Variants in CAST observed in about 807,000 individuals in gnomAD.
The protein encoded by CAST is calpastatin.
In CAST, 76 loss-of-function variants were observed where a neutral mutation model predicts 119.6. The ratio of observed to expected loss-of-function variants is 0.64; its 90% CI spans 0.53 to 0.77. The LOEUF is 0.77. CAST is among the 30% of genes least tolerant of loss of function. The pLI is 0.00. For missense variants in CAST, 953 were observed against 946.5 expected (o/e 1.01, Z -0.09); for synonymous variants, 319 against 331.6 (o/e 0.96, Z 0.41).
rs12517900 is a variant in CAST at position 96,768,095 on chromosome 5, C to G, written c.2268+96C>G. ...TTTATTGATTGATCTATCTATCGGT[C>G]TGTCTTGTAACAGGGTCTTACTCTA... On this transcript the variant is annotated intron_variant, in intron 29 of 31. Transcript: ENST00000675179. The G allele has an allele frequency of 0.083, 69,884 of 844,356 alleles. 3,490 individuals are homozygous for G. Among genetic ancestry groups the G allele is most frequent in the African/African-American group, 0.15 (9,047 of 59,052 alleles). The allele number at this position is 844,356 out of a possible 1,614,324, so 52.3% of individuals were successfully genotyped here.
intron 2 of CAST, among the ~76,000 whole-genome samples, chr5:96,684,528 C>G (rs1395483406): frequency 6.6e-6 from 1 of 151,726 alleles, no homozygotes; most frequent in East Asian, 1.9e-4. Context: ...CAGAAACATA[C>G]GCCAATAGCT....
At chr5:96,328,201 C>T in the CAST span, among the ~76,000 whole-genome samples, 1 of 152,192 alleles carries the variant, frequency 6.6e-6, no homozygotes, top group Non-Finnish European at 1.5e-5. Context: ...GTTAAAAACT[C>T]ATGGCATCTG....
intron 31 of CAST, 95 bp downstream of exon 31, chr5:96,771,797 T>C (rs1367426803): frequency 6.9e-6 from 5 of 721,898 alleles, no homozygotes; most frequent in African/African-American, 1.8e-5. Flanking sequence ...TCTTGAGTAA[T>C]TCATGCTCAC....
At chr5:96,399,928 G>A in the CAST span, 1 of 1,548,546 alleles carries the variant, frequency 6.5e-7, no homozygotes. Context: ...GCACACATGT[G>A]TTTAAAATTC....
At chr5:96,468,910 A>C in the CAST span, among the ~76,000 whole-genome samples, 1 of 152,208 alleles carries the variant, frequency 6.6e-6, no homozygotes, top group East Asian at 1.9e-4. Flanking sequence ...ATCTCGTCTA[A>C]AATAGTTGCC....
chr5:96,379,232 T>C, the CAST span, among the ~76,000 whole-genome samples: 1 of 152,130 alleles, frequency 6.6e-6, no homozygotes, highest in Non-Finnish European at 1.5e-5. Context: ...GTGAGAAAAA[T>C]GTTACAAATA....
At chr5:96,115,740 G>A in the CAST span, among the ~76,000 whole-genome samples, 100,379 of 151,924 alleles carry the variant, frequency 0.66, 33,651 homozygotes, top group African/African-American at 0.75. Context: ...CAGTTTTCTG[G>A]TGTGTCTTAT....
the CAST span, among the ~76,000 whole-genome samples, chr5:96,190,686 C>A: frequency 6.6e-6 from 1 of 152,160 alleles, no homozygotes; most frequent in East Asian, 1.9e-4. Flanking sequence ...TTATTTTTGG[C>A]AGTGTAATCC....
the CAST span, among the ~76,000 whole-genome samples, chr5:96,470,681 T>G: frequency 1.3e-5 from 2 of 152,192 alleles, no homozygotes; most frequent in African/African-American, 4.8e-5. Context: ...AGCTTACCCA[T>G]TAATTTAGTC....
the CAST span, among the ~76,000 whole-genome samples, chr5:96,068,342 C>T: frequency 1.1e-4 from 16 of 152,084 alleles, 1 homozygote; most frequent in South Asian, 1.2e-3. Flanking sequence ...TCTAGGAAAA[C>T]GGAATAAGAA....
chr5:96,451,638 C>T, the CAST span, among the ~76,000 whole-genome samples: 1 of 152,150 alleles, frequency 6.6e-6, no homozygotes, highest in Non-Finnish European at 1.5e-5. Context: ...CCAAAATTGA[C>T]AAATGGGATC....
At chr5:96,254,123 G>C in the CAST span, among the ~76,000 whole-genome samples, 182 of 152,124 alleles carry the variant, frequency 1.2e-3, no homozygotes, top group African/African-American at 4.3e-3. Context: ...TGGATTTTAA[G>C]TATTTATCTC....
At chr5:96,412,233 T>C in the CAST span, 2 of 1,140,738 alleles carry the variant, frequency 1.8e-6, no homozygotes, top group Non-Finnish European at 1.3e-6. Flanking sequence ...ACAATGTTAT[T>C]CCATGTAACC....
At chr5:96,111,249 G>C in the CAST span, among the ~76,000 whole-genome samples, 7 of 152,166 alleles carry the variant, frequency 4.6e-5, no homozygotes, top group Non-Finnish European at 8.8e-5. Flanking sequence ...CAGATGAATA[G>C]GTTCATAGGA....
intron 1 of CAST, among the ~76,000 whole-genome samples, chr5:96,646,550 G>C (rs141975218): frequency 8.5e-5 from 13 of 152,142 alleles, no homozygotes; most frequent in African/African-American, 2.9e-4. Flanking sequence ...TGTAAAAACA[G>C]AAATATTCTT....
chr5:96,488,904 T>C, the CAST span, among the ~76,000 whole-genome samples: 1 of 152,192 alleles, frequency 6.6e-6, no homozygotes, highest in Admixed American at 6.5e-5. Flanking sequence ...AAAATTTCAA[T>C]GATAAATGAA....
In CAST at chr5:96,736,210, T is replaced by C; in HGVS notation, c.669T>C (p.Val223=). The change falls in exon 10 of 32, where the codon GTT becomes GTC. Residue 223 remains valine, a synonymous_variant. Transcript: ENST00000675179. ...AATCATTAACCCCAGCTGTGCCAGT[T>C]GAATCTAAACCGGATAAACCATCGG... ...EKKSLTPAVP[V]ESKPDKPSGK... 1 of 1,612,966 alleles carries C rather than the reference T, an allele frequency of 6.2e-7. No homozygotes were observed.
Position 96,766,149 on chromosome 5 carries a change from A to G in CAST, c.2130+4A>G. The G allele has an allele frequency of 6.5e-7, 1 of 1,530,392 alleles. No homozygotes were observed. The highest frequency in any genetic ancestry group is 9.0e-7 in the Non-Finnish European group (1 of 1,108,546). The allele number at this position is 1,530,392 out of a possible 1,614,324, so 94.8% of individuals were successfully genotyped here. A position where few individuals can be genotyped will look rare whatever the true frequency, so the allele number is the denominator to read the frequency against. On this transcript the variant is annotated splice_donor_region_variant and intron_variant, in intron 27 of 31. Transcript: ENST00000675179. ...TCTCCTGGATGATAATGGACAGGTAAACTGAGGCAAATTGCTAGATCGGAT... is the reference window on the plus strand; with the variant it reads ...TCTCCTGGATGATAATGGACAGGTAGACTGAGGCAAATTGCTAGATCGGAT...
the CAST span, among the ~76,000 whole-genome samples, chr5:95,977,462 CTG>C: frequency 6.6e-6 from 1 of 152,226 alleles, no homozygotes; most frequent in African/African-American, 2.4e-5. Context: ...GAAATTCACA[CTG>C]TGCTTATGCT....
Sources: gnomAD v4.1 joint callset for allele counts (sites outside exome capture counted in the v4.1 genomes callset) on GRCh38, gnomAD v4.1.1 for gene constraint, MANE v1.5 for transcripts, NCBI Gene and HGNC (gene_info 2026-07-23, HGNC 2026-07-21) for gene names.